Variants in PCDHGB1 observed in about 807,000 individuals in gnomAD.
PCDHGB1 encodes the protein protocadherin gamma subfamily B, 1.
Under a neutral mutation model 56.6 loss-of-function variants are expected in PCDHGB1, and 34 were observed. That is an observed-to-expected ratio of 0.60 (90% CI 0.46 to 0.80). PCDHGB1 has a LOEUF of 0.80. PCDHGB1 is among the 30% of genes least tolerant of loss of function. PCDHGB1 has a pLI of 0.00. For synonymous variants in PCDHGB1, 561 were observed against 505.9 expected (o/e 1.11, Z -1.46); for missense variants, 1,278 against 1,204.6 (o/e 1.06, Z -0.90).
In PCDHGB1 at chr5:141,360,410, G is replaced by T. The variant is rs773770981; in HGVS notation, c.2409+7741G>T. ...TTACTTGTGAGTGACAGAATAGACC[G>T]AGAACAGATATGCGGGAAGCAGCCT... On this transcript the variant is annotated intron_variant, in intron 1 of 3. Transcript: ENST00000523390. The T allele has an allele frequency of 1.9e-6, 3 of 1,613,964 alleles. No homozygotes were observed. The South Asian group carries it at 3.3e-5, about 18-fold the overall frequency.
intron 1 of PCDHGB1, among the ~76,000 whole-genome samples, chr5:141,445,892 T>C (rs2154561169): frequency 6.6e-6 from 1 of 152,346 alleles, no homozygotes; most frequent in African/African-American, 2.4e-5. Context: ...TTAGGAGCTA[T>C]TAAAATATTT....
At chr5:141,361,130 G>C (rs1352888384) in intron 1 of PCDHGB1, 1 of 1,613,886 alleles carries the variant, frequency 6.2e-7, no homozygotes, top group African/African-American at 1.3e-5. Context: ...GCCCACTGCA[G>C]TATCCAAGTT....
At chr5:141,459,427 G>A (rs1489214494) in intron 1 of PCDHGB1, among the ~76,000 whole-genome samples, 2 of 152,228 alleles carry the variant, frequency 1.3e-5, no homozygotes, top group Non-Finnish European at 2.9e-5. Flanking sequence ...ATATCACAAT[G>A]TGTTCATTCA....
chr5:141,373,525 A>G (rs1404075299), intron 1 of PCDHGB1, among the ~76,000 whole-genome samples: 1 of 152,222 alleles, frequency 6.6e-6, no homozygotes, highest in Non-Finnish European at 1.5e-5. Flanking sequence ...TTTGTCTCCA[A>G]AAAAGTGTTT....
At chr5:141,433,181 G>T (rs199507607) in intron 1 of PCDHGB1, 45 of 1,607,620 alleles carry the variant, frequency 2.8e-5, no homozygotes, top group Non-Finnish European at 3.4e-5. Context: ...TGGGTTAATT[G>T]AGGTGAGTTT....
intron 1 of PCDHGB1, chr5:141,408,715 G>T: frequency 1.9e-6 from 3 of 1,612,078 alleles, no homozygotes; most frequent in Non-Finnish European, 2.5e-6. Flanking sequence ...AAGATTATAA[G>T]ATAAACTCTA....
At chr5:141,481,795 T>C (rs2154579318) in intron 1 of PCDHGB1, among the ~76,000 whole-genome samples, 1 of 150,244 alleles carries the variant, frequency 6.7e-6, no homozygotes, top group South Asian at 2.1e-4. Context: ...CTACTAAAAA[T>C]ACAAAAATTC....
chr5:141,487,864 C>A lies in PCDHGB1; in HGVS notation c.2410-6943C>A. On this transcript the variant is annotated intron_variant, in intron 1 of 3. Coordinates refer to ENST00000523390, the MANE Select transcript of PCDHGB1 (RefSeq NM_018922.3). The surrounding 1 kb of genome is among the most constrained non-coding windows in gnomAD (Gnocchi z 5.0). ...GTAAGAAATGAAAGTAATTGGTGAT[C>A]AAGAGCCAGGCTGTTGTGGAAGCAT... 1 of 899,610 alleles carries A rather than the reference C, an allele frequency of 1.1e-6. No individual in the cohort carries two copies. Among genetic ancestry groups the A allele is most frequent in the Non-Finnish European group, 1.7e-6 (1 of 599,584 alleles). The allele number at this position is 899,610 out of a possible 1,614,324, so 55.7% of individuals were successfully genotyped here.
chr5:141,508,721 G>A (rs1266581528), intron 3 of PCDHGB1, among the ~76,000 whole-genome samples: 1 of 151,930 alleles, frequency 6.6e-6, no homozygotes, highest in Non-Finnish European at 1.5e-5. Flanking sequence ...TCTGTGTGCA[G>A]GGAGACTACA....
In PCDHGB1 at chr5:141,382,874, G is replaced by T. The variant is rs369372304; in HGVS notation, c.2409+30205G>T. On this transcript the variant is annotated intron_variant, in intron 1 of 3. Coordinates refer to ENST00000523390, the MANE Select transcript of PCDHGB1 (RefSeq NM_018922.3). ...TTCTGAAGCACTTCCCGAGATCGGC[G>T]CCTAAGCAAGAGAAGCAGGACGACT... 2.9e-4 allele frequency: 441 copies of T among 1,522,954 alleles called. 1 individual carries two copies. The highest frequency in any genetic ancestry group is 3.8e-4 in the Non-Finnish European group (430 of 1,137,240). 94.3% of individuals were successfully genotyped at this position (1,522,954 alleles called of 1,614,324 possible).
rs2096779089 is a variant in PCDHGB1, at chr5:141,423,760, G to GA, written c.2410-71047_2410-71046insA. On this transcript the variant is annotated intron_variant, in intron 1 of 3. Transcript: ENST00000523390. ...GTTATGAAAACTGTTTGGGGGGGGG[G>GA]TGGGGCGGCATATATTTAGTTCATA... 1.1e-5 allele frequency: 3 copies of GA among 279,664 alleles called. 1 individual carries two copies. Among genetic ancestry groups the GA allele is most frequent in the African/African-American group, 6.7e-5 (2 of 29,702 alleles). The allele number at this position is 279,664 out of a possible 1,614,324, so 17.3% of individuals were successfully genotyped here.
At position 141,361,017 on chromosome 5, in the gene PCDHGB1, A is replaced by G. The variant is rs767981942; in HGVS notation, c.2409+8348A>G. 1.9e-6 allele frequency: 3 copies of G among 1,613,324 alleles called. No individual in the cohort carries two copies. The Admixed American group carries it at 5.0e-5, about 27-fold the overall frequency. On this transcript the variant is annotated intron_variant, in intron 1 of 3. Transcript: ENST00000523390. ...AACAAGTGAAACACTTTTTCAACTTAAATGAAAAAACAGGAGAAATCACGA... is the reference window on the plus strand; with the variant it reads ...AACAAGTGAAACACTTTTTCAACTTGAATGAAAAAACAGGAGAAATCACGA...
At position 141,350,415 on chromosome 5, in the gene PCDHGB1, T is replaced by C; in HGVS notation, c.155T>C (p.Leu52Pro). 2 of 1,605,958 alleles carry C rather than the reference T, an allele frequency of 1.2e-6. No homozygotes were observed. Among genetic ancestry groups the C allele is most frequent in the Non-Finnish European group, 1.7e-6 (2 of 1,173,774 alleles). Reference sequence around the variant, plus strand: ...CGGGTGGGGAAACTTGCCAAGGATCTGGGGCTCAGTGTCCGGGAGTTGCCA... The same window carrying C: ...CGGGTGGGGAAACTTGCCAAGGATCCGGGGCTCAGTGTCCGGGAGTTGCCA... ...GSRVGKLAKD[L>P]GLSVRELPTR... Residue 52 changes from leucine (L) to proline (P), a missense_variant, in exon 1 of 4, where the codon CTG becomes CCG. Leu to Pro is a moderately conservative substitution (Grantham distance 98). Transcript: ENST00000523390.
intron 1 of PCDHGB1, chr5:141,417,545 T>C: frequency 3.2e-6 from 1 of 312,052 alleles, no homozygotes; most frequent in East Asian, 5.5e-5. Context: ...AAAAAATTCC[T>C]TGAAAGAGGT....
chr5:141,389,126 A>G, intron 1 of PCDHGB1: 1 of 1,614,034 alleles, frequency 6.2e-7, no homozygotes, highest in South Asian at 1.1e-5. Context: ...AGCAGAATCC[A>G]GAGTACAATA....
chr5:141,359,297 G>A (rs1299334892), intron 1 of PCDHGB1, among the ~76,000 whole-genome samples: 3 of 152,098 alleles, frequency 2.0e-5, no homozygotes, highest in Admixed American at 6.5e-5. Context: ...ACTGTGTCAA[G>A]CATATTCAGG....
intron 1 of PCDHGB1, chr5:141,366,028 C>T (rs1291382727): frequency 1.2e-6 from 2 of 1,614,136 alleles, no homozygotes; most frequent in Non-Finnish European, 1.7e-6. Flanking sequence ...TGTACCCCGC[C>T]CTCCCCACAG....
At chr5:141,478,234 G>C (rs762337749) in intron 1 of PCDHGB1, 21 of 1,614,082 alleles carry the variant, frequency 1.3e-5, no homozygotes, top group Non-Finnish European at 1.8e-5. Flanking sequence ...TGGGGTTTGT[G>C]GTCACAGTGT....
In PCDHGB1 at chr5:141,472,816, G is replaced by A. The variant is rs1186234004; in HGVS notation, c.2410-21991G>A. On this transcript the variant is annotated intron_variant, in intron 1 of 3. Transcript: ENST00000523390. ...GCCTGACCAACATGGAGAAACCCCC[G>A]TCTCTACTAAAAATAGAAAATTAGC... 4.6e-5 allele frequency among the ~76,000 whole-genome samples: 7 copies of A among 151,374 alleles called. No individual in the cohort carries two copies. In the South Asian group the frequency reaches 6.2e-4, roughly 14 times the overall value.
Sources: gnomAD v4.1 joint callset for allele counts (sites outside exome capture counted in the v4.1 genomes callset) on GRCh38, gnomAD v4.1.1 for gene constraint, Gnocchi (gnomAD v3.1) non-coding constraint, MANE v1.5 for transcripts, NCBI Gene and HGNC (gene_info 2026-07-23, HGNC 2026-07-21) for gene names.